Variants in EPHA4 observed in about 807,000 individuals in gnomAD.
EPHA4 encodes the protein ephrin type-A receptor 4.
Under a neutral mutation model 108.3 loss-of-function variants are expected in EPHA4, and 19 were observed. That is an observed-to-expected ratio of 0.18 (90% CI 0.12 to 0.26). The LOEUF is 0.26. EPHA4 is among the 10% of genes least tolerant of loss of function. The pLI is 1.00. For synonymous variants in EPHA4, 449 were observed against 455.5 expected (o/e 0.99, Z 0.18); for missense variants, 917 against 1,254.0 (o/e 0.73, Z 4.06).
chr2:221,553,032 T>C (rs980022191), intron 3 of EPHA4, among the ~76,000 whole-genome samples: 14 of 152,180 alleles, frequency 9.2e-5, no homozygotes, highest in Non-Finnish European at 2.1e-4. Context: ...CAACACATCA[T>C]GAGGCTAGAC....
chr2:221,481,174 A>C (rs1174428912), intron 5 of EPHA4, among the ~76,000 whole-genome samples: 1 of 152,186 alleles, frequency 6.6e-6, no homozygotes. Flanking sequence ...GAAAGCCTAG[A>C]AACCTAGATT....
chr2:221,447,893 G>A (rs1690644799), intron 8 of EPHA4, among the ~76,000 whole-genome samples: 1 of 151,220 alleles, frequency 6.6e-6, no homozygotes, highest in African/African-American at 2.4e-5. Flanking sequence ...TCAGGCCGGA[G>A]TGCAGTGCTA....
intron 6 of EPHA4, 148 bp from the exon 7 acceptor site, chr2:221,456,920 T>C: frequency 1.3e-6 from 1 of 798,280 alleles, no homozygotes; most frequent in Non-Finnish European, 1.9e-6. Flanking sequence ...TGTATTCTCT[T>C]GGATGTTATA....
At chr2:221,508,417 A>T (rs1440578370) in intron 3 of EPHA4, among the ~76,000 whole-genome samples, 40 of 152,022 alleles carry the variant, frequency 2.6e-4, no homozygotes, top group Admixed American at 2.6e-3. Flanking sequence ...GTCTCTGCTG[A>T]AAAATACAAA....
intron 3 of EPHA4, among the ~76,000 whole-genome samples, chr2:221,540,907 T>C (rs1023131435): frequency 2.0e-5 from 3 of 151,056 alleles, no homozygotes; most frequent in African/African-American, 7.3e-5. Flanking sequence ...GCCAATTCAG[T>C]GTCCAAAATG....
At chr2:221,565,142 C>A (rs1179875151) in intron 2 of EPHA4, among the ~76,000 whole-genome samples, 1 of 152,100 alleles carries the variant, frequency 6.6e-6, no homozygotes, top group Non-Finnish European at 1.5e-5. Flanking sequence ...AGAAAACAGA[C>A]ATGCTTTGCT....
chr2:221,436,180 T>C (rs1396295371), intron 13 of EPHA4, among the ~76,000 whole-genome samples: 1 of 152,192 alleles, frequency 6.6e-6, no homozygotes, highest in African/African-American at 2.4e-5. Flanking sequence ...ATTTTGCTTC[T>C]AGTTTGTGGC....
chr2:221,555,921 AAAGTTTTT>A, intron 3 of EPHA4, among the ~76,000 whole-genome samples: 1 of 152,338 alleles, frequency 6.6e-6, no homozygotes, highest in East Asian at 1.9e-4. Context: ...AGATTATGAA[AAAGTTTTT>A]AGGGCTTGAT....
rs889829723 is a variant in EPHA4 at position 221,418,406 on chromosome 2, T to C, written c.*2966A>G. On this transcript the variant is annotated 3_prime_UTR_variant, in exon 18 of 18. Transcript: ENST00000281821. ...CTCTTCAGTGTGTATCAATGCTTGATGTTGTTTGGAGAATGTTAAATAAGT... is the reference window on the plus strand; with the variant it reads ...CTCTTCAGTGTGTATCAATGCTTGACGTTGTTTGGAGAATGTTAAATAAGT... 2 of 152,670 alleles carry C rather than the reference T, an allele frequency of 1.3e-5. No homozygotes were observed. Among genetic ancestry groups the C allele is most frequent in the Non-Finnish European group, 2.9e-5 (2 of 68,044 alleles). 9.5% of individuals were successfully genotyped at this position (152,670 alleles called of 1,614,324 possible).
intron 3 of EPHA4, among the ~76,000 whole-genome samples, chr2:221,519,847 A>T (rs1416434631): frequency 6.6e-6 from 1 of 152,172 alleles, no homozygotes; most frequent in Non-Finnish European, 1.5e-5. Flanking sequence ...AAGGCAAAGA[A>T]GCATTCTATA....
At chr2:221,516,625 C>T (rs992246029) in intron 3 of EPHA4, among the ~76,000 whole-genome samples, 1 of 152,152 alleles carries the variant, frequency 6.6e-6, no homozygotes, top group African/African-American at 2.4e-5. Context: ...GTGCTGGGAT[C>T]ACAGGGGTGA....
intron 4 of EPHA4, among the ~76,000 whole-genome samples, chr2:221,488,270 C>T (rs1368567617): frequency 6.6e-6 from 1 of 152,122 alleles, no homozygotes; most frequent in Non-Finnish European, 1.5e-5. Flanking sequence ...CTCTCTGGCA[C>T]CCTCAGAATT....
At chr2:221,515,527 A>T (rs1185036145) in intron 3 of EPHA4, among the ~76,000 whole-genome samples, 1 of 152,266 alleles carries the variant, frequency 6.6e-6, no homozygotes, top group Non-Finnish European at 1.5e-5. Context: ...TCCTGGCCAC[A>T]TCACACACGG....
chr2:221,572,366 G>T, upstream of EPHA4: 1 of 876,768 alleles, frequency 1.1e-6, no homozygotes, highest in Non-Finnish European at 1.8e-6. Context: ...GGTGACGTGA[G>T]CCCGCCAGTC....
intron 17 of EPHA4, among the ~76,000 whole-genome samples, chr2:221,421,520 C>A (rs984911841): frequency 2.0e-5 from 3 of 152,194 alleles, no homozygotes; most frequent in Admixed American, 2.0e-4. Context: ...GTTCAAGCCT[C>A]CTTCCACATA....
intron 3 of EPHA4, among the ~76,000 whole-genome samples, chr2:221,560,423 A>G (rs773013970): frequency 6.6e-6 from 1 of 151,590 alleles, no homozygotes. Flanking sequence ...ATCGAGGAGG[A>G]AAAAAAAATG....
Position 221,434,187 on chromosome 2 carries a change from C to T in EPHA4, c.2451G>A (p.Val817=), listed in dbSNP as rs143285484. 3.7e-6 allele frequency: 6 copies of T among 1,614,028 alleles called. No individual in the cohort carries two copies. In the Admixed American group the frequency reaches 5.0e-5, roughly 13 times the overall value. ...AATAGGGCCTCTCCCCGTACGACAT[C>T]ACTTCCCACATAACGATTCCATAGC... is the stretch of plus-strand genomic sequence containing the variant. ...VWSYGIVMWE[V]MSYGERPYWD... Residue 817 remains valine, a synonymous_variant, in exon 14 of 18, where the codon GTG becomes GTA. Coordinates refer to ENST00000281821, the MANE Select transcript of EPHA4 (RefSeq NM_004438.5).
chr2:221,427,315 A>T (rs1363783976), intron 15 of EPHA4, among the ~76,000 whole-genome samples: 1 of 152,200 alleles, frequency 6.6e-6, no homozygotes, highest in Non-Finnish European at 1.5e-5. Flanking sequence ...TGATTTCAAC[A>T]AATTCAAAGC....
At chr2:221,452,654 A>G (rs1441638306) in intron 8 of EPHA4, among the ~76,000 whole-genome samples, 1 of 152,144 alleles carries the variant, frequency 6.6e-6, no homozygotes, top group Non-Finnish European at 1.5e-5. Flanking sequence ...CATTTTCTAA[A>G]AAGTGATCCA....
Sources: gnomAD v4.1 joint callset for allele counts (sites outside exome capture counted in the v4.1 genomes callset) on GRCh38, gnomAD v4.1.1 for gene constraint, MANE v1.5 for transcripts, NCBI Gene and HGNC (gene_info 2026-07-23, HGNC 2026-07-21) for gene names.